Variants in PDE4D observed in about 807,000 individuals in gnomAD.
The protein encoded by PDE4D is 3',5'-cyclic-AMP phosphodiesterase 4D.
In PDE4D, 24 loss-of-function variants were observed where a neutral mutation model predicts 87.4. The ratio of observed to expected loss-of-function variants is 0.27; its 90% CI spans 0.20 to 0.39. The LOEUF is 0.39. Among genes scored for constraint, PDE4D ranks in the 10% least tolerant of loss-of-function variants. The pLI, the probability that PDE4D is intolerant of heterozygous loss-of-function variation, is 1.00. For synonymous variants in PDE4D, 384 were observed against 383.2 expected, an observed-to-expected ratio of 1.00 and a Z score of -0.02; for missense variants, 714 against 1,041.0, an observed-to-expected ratio of 0.69 and a Z score of 4.32.
intron 6 of PDE4D, chr5:58,999,567 A>ATATGC: frequency 9.3e-7 from 1 of 1,069,858 alleles, no homozygotes; most frequent in Non-Finnish European, 1.2e-6. Context: ...ATATATATAT[A>ATATGC]TGTATATATA....
intron 1 of PDE4D, among the ~76,000 whole-genome samples, chr5:59,660,045 T>TGTGGTG (rs1263478842): frequency 6.6e-6 from 1 of 151,824 alleles, no homozygotes; most frequent in Non-Finnish European, 1.5e-5. Flanking sequence ...ATTAGTCAAG[T>TGTGGTG]GTGGTGGCAT....
At chr5:60,143,639 GTGTGTGTGTGTA>G (rs1308764651) in intron 2 of PDE4D, among the ~76,000 whole-genome samples, 5 of 141,566 alleles carry the variant, frequency 3.5e-5, no homozygotes, top group Admixed American at 1.5e-4. Flanking sequence ...GTGTGTGTGT[GTGTGTGTGTGTA>G]TGTGTGTGTG....
intron 1 of PDE4D, among the ~76,000 whole-genome samples, chr5:59,839,421 T>G (rs1261941286): frequency 6.6e-6 from 1 of 151,944 alleles, no homozygotes; most frequent in Non-Finnish European, 1.5e-5. Flanking sequence ...TGTTTGTTTT[T>G]TGTTTTTTGT....
intron 1 of PDE4D, among the ~76,000 whole-genome samples, chr5:59,600,404 A>C (rs1191673977): frequency 4.6e-5 from 7 of 152,198 alleles, no homozygotes; most frequent in Admixed American, 2.6e-4. Context: ...AAGTCTGAGC[A>C]AAAGGACAAA....
rs376435793 is a variant in PDE4D at position 59,659,773 on chromosome 5, G to T, written c.455+233395C>A. Among the ~76,000 whole-genome samples, 9 of 152,248 alleles carry T rather than the reference G, an allele frequency of 5.9e-5. No individual in the cohort carries two copies. In the South Asian group the frequency reaches 1.5e-3, roughly 25 times the overall value. ...GCAATCCTTCTGCTACAGTGTGCACGAAATGGTCTGAACCACACCACACAT... is the reference window on the plus strand; with the variant it reads ...GCAATCCTTCTGCTACAGTGTGCACTAAATGGTCTGAACCACACCACACAT... On this transcript the variant is annotated intron_variant, in intron 1 of 14. Coordinates refer to ENST00000340635, the MANE Select transcript of PDE4D (RefSeq NM_001104631.2).
At chr5:60,177,698 C>T (rs995879881) in intron 2 of PDE4D, among the ~76,000 whole-genome samples, 3 of 152,124 alleles carry the variant, frequency 2.0e-5, no homozygotes, top group Non-Finnish European at 4.4e-5. Context: ...AAGAAGTACA[C>T]AATCTTGAAA....
intron 1 of PDE4D, among the ~76,000 whole-genome samples, chr5:59,702,988 T>C (rs557741866): frequency 6.8e-4 from 103 of 150,822 alleles, no homozygotes; most frequent in Non-Finnish European, 1.3e-3. Context: ...AAAGGGAACA[T>C]AATCTCTTAC....
intron 1 of PDE4D, among the ~76,000 whole-genome samples, chr5:60,282,235 A>G (rs6895491): frequency 4.5e-4 from 59 of 132,044 alleles, no homozygotes; most frequent in South Asian, 3.8e-3. Flanking sequence ...ATATATATAT[A>G]TATTTCTCAA....
intron 1 of PDE4D, among the ~76,000 whole-genome samples, chr5:59,372,504 T>C (rs1784080086): frequency 1.3e-5 from 2 of 152,230 alleles, no homozygotes; most frequent in Admixed American, 1.3e-4. Flanking sequence ...AAATTCAATA[T>C]TTTCACTCAG....
chr5:60,219,089 T>A (rs1264646543), intron 1 of PDE4D, among the ~76,000 whole-genome samples: 2 of 152,148 alleles, frequency 1.3e-5, no homozygotes, highest in Non-Finnish European at 2.9e-5. Flanking sequence ...ATCATTAAAG[T>A]ACAATAAACT....
At chr5:59,698,434 A>G (rs1185557493) in intron 1 of PDE4D, among the ~76,000 whole-genome samples, 2 of 151,950 alleles carry the variant, frequency 1.3e-5, no homozygotes, top group East Asian at 3.9e-4. Context: ...TGAGCGCTTT[A>G]AAACTATTAC....
intron 1 of PDE4D, among the ~76,000 whole-genome samples, chr5:60,432,706 A>G (rs889966490): frequency 3.3e-5 from 5 of 152,240 alleles, no homozygotes; most frequent in African/African-American, 7.2e-5. Flanking sequence ...TAACCAAGAC[A>G]GCATGGTATA....
rs78807894 is a variant in PDE4D at position 59,544,533 on chromosome 5, G to A, written c.456-328565C>T. Among the ~76,000 whole-genome samples, 56 of 152,232 alleles carry A rather than the reference G, an allele frequency of 3.7e-4. No individual in the cohort carries two copies. The East Asian group carries it at 9.3e-3, about 25-fold the overall frequency. On this transcript the variant is annotated intron_variant, in intron 1 of 14. Transcript: ENST00000340635. ...AGACTGATGAGAAACAGTCTTTGCCGTCTATAACACAAAAGGAAAAGGACA... is the reference window on the plus strand; with the variant it reads ...AGACTGATGAGAAACAGTCTTTGCCATCTATAACACAAAAGGAAAAGGACA...
rs60467130 is a variant in PDE4D, at chr5:59,156,331, A to ATGTG, written c.808+24260_808+24263dup. ...CCAGAAAAAAAAAAAATATATATAT[A>ATGTG]TGTGTGTGTGTGTGTGTGTGTGTGT... On this transcript the variant is annotated intron_variant, in intron 5 of 14. Coordinates refer to ENST00000340635, the MANE Select transcript of PDE4D (RefSeq NM_001104631.2). Among the ~76,000 whole-genome samples the ATGTG allele has an allele frequency of 2.4e-3, 291 of 122,730 alleles. 4 individuals are homozygous for ATGTG. The highest frequency in any genetic ancestry group is 0.011 in the South Asian group (44 of 3,936). 80.5% of individuals were successfully genotyped at this position (122,730 alleles called of 152,430 possible). A position where few individuals can be genotyped will look rare whatever the true frequency, so the allele number is the denominator to read the frequency against.
intron 1 of PDE4D, among the ~76,000 whole-genome samples, chr5:59,395,267 C>T (rs1402697087): frequency 6.6e-6 from 1 of 152,224 alleles, no homozygotes; most frequent in Non-Finnish European, 1.5e-5. Context: ...TAGGCTCCAA[C>T]TCTGGGGGCA....
chr5:60,142,406 A>T (rs1027625699), intron 2 of PDE4D, among the ~76,000 whole-genome samples: 17 of 152,206 alleles, frequency 1.1e-4, no homozygotes, highest in Admixed American at 1.1e-3. Flanking sequence ...GCTCAGAAAG[A>T]TTAAGTGACT....
intron 1 of PDE4D, among the ~76,000 whole-genome samples, chr5:59,613,549 G>C (rs907140566): frequency 2.0e-5 from 3 of 152,154 alleles, no homozygotes; most frequent in Non-Finnish European, 2.9e-5. Flanking sequence ...TCCATGCTAA[G>C]ACTTTGGAAA....
intron 5 of PDE4D, among the ~76,000 whole-genome samples, chr5:59,107,886 A>G (rs1164441258): frequency 1.3e-5 from 2 of 152,140 alleles, no homozygotes; most frequent in Non-Finnish European, 2.9e-5. Context: ...AATTCTGACT[A>G]CCTTGCTGGA....
At chr5:59,649,905 CTTTTTTTTT>C (rs1156467369) in intron 1 of PDE4D, among the ~76,000 whole-genome samples, 3 of 72,406 alleles carry the variant, frequency 4.1e-5, no homozygotes, top group African/African-American at 1.3e-4. Context: ...GTTTGTGAAC[CTTTTTTTTT>C]TTTTTTTTTT....
Sources: gnomAD v4.1 joint callset for allele counts (sites outside exome capture counted in the v4.1 genomes callset) on GRCh38, gnomAD v4.1.1 for gene constraint, MANE v1.5 for transcripts, NCBI Gene and HGNC (gene_info 2026-07-23, HGNC 2026-07-21) for gene names.